Variants in DYRK1A observed in about 807,000 individuals in gnomAD.
DYRK1A encodes dual specificity tyrosine phosphorylation regulated kinase 1A.
DYRK1A carries 9 observed loss-of-function variants against 79.7 expected under a neutral mutation model. The ratio of observed to expected loss-of-function variants is 0.11; its 90% CI spans 0.07 to 0.20. DYRK1A has a LOEUF of 0.20. Ranked by LOEUF, DYRK1A falls within the 10% of genes least tolerant of loss-of-function variation. The probability of loss-of-function intolerance (pLI) is 1.00; values close to 1 mark genes in which losing one functional copy is unlikely to be tolerated. For synonymous variants in DYRK1A, 349 were observed against 329.7 expected (o/e 1.06, Z -0.63); for missense variants, 622 against 956.0 (o/e 0.65, Z 4.61).
At chr21:37,382,316 C>T (rs2049674323) in intron 1 of DYRK1A, among the ~76,000 whole-genome samples, 1 of 151,870 alleles carries the variant, frequency 6.6e-6, no homozygotes, top group Non-Finnish European at 1.5e-5. Flanking sequence ...TCAAGTGATC[C>T]TCCTGCCTCA....
Position 37,512,605 on chromosome 21 carries a change from A to G in DYRK1A, c.*74A>G. The G allele has an allele frequency of 2.0e-6, 3 of 1,534,026 alleles. No homozygotes were observed. Among genetic ancestry groups the G allele is most frequent in the African/African-American group, 1.4e-5 (1 of 72,790 alleles). ...GTTTTTTTTCCAAAAACAAAGTGCA[A>G]AGCTGCTTGAATCAGGAGGAGATTA... On this transcript the variant is annotated 3_prime_UTR_variant, in exon 12 of 12. Coordinates refer to ENST00000647188, the MANE Select transcript of DYRK1A (RefSeq NM_001347721.2).
At chr21:37,490,700 T>G (rs991470053) in intron 7 of DYRK1A, among the ~76,000 whole-genome samples, 1 of 151,840 alleles carries the variant, frequency 6.6e-6, no homozygotes, top group African/African-American at 2.4e-5. Context: ...AATGTAGCAC[T>G]TAATTACCTT....
chr21:37,419,510 C>T (rs915138807), intron 1 of DYRK1A: 1 of 152,160 alleles, frequency 6.6e-6, no homozygotes, highest in African/African-American at 2.4e-5. Context: ...ACTTGGCCAA[C>T]ATATGCAACA....
At chr21:37,431,822 T>A (rs2050784355) in intron 2 of DYRK1A, among the ~76,000 whole-genome samples, 1 of 152,222 alleles carries the variant, frequency 6.6e-6, no homozygotes, top group African/African-American at 2.4e-5. Context: ...ACACTTACTG[T>A]ACTATTTTGT....
At chr21:37,368,484 C>T (rs573447590) in intron 1 of DYRK1A, among the ~76,000 whole-genome samples, 2 of 152,326 alleles carry the variant, frequency 1.3e-5, no homozygotes, top group East Asian at 1.9e-4. Flanking sequence ...CTGTGCCTTT[C>T]GCCCAACCCT....
chr21:37,379,037 A>G (rs2049604363), intron 1 of DYRK1A, among the ~76,000 whole-genome samples: 1 of 152,162 alleles, frequency 6.6e-6, no homozygotes, highest in South Asian at 2.1e-4. Flanking sequence ...ACAGAGTCAT[A>G]TCCCTGGAGC....
chr21:37,472,575 T>C (rs1391466015), intron 2 of DYRK1A, 109 bp from the exon 3 acceptor site: 1 of 952,220 alleles, frequency 1.1e-6, no homozygotes, highest in Admixed American at 3.0e-5. Context: ...GAAAAGTTTT[T>C]TAATATTGAA....
At chr21:37,423,260 C>T (rs1010265) in intron 2 of DYRK1A, among the ~76,000 whole-genome samples, 150,594 of 152,224 alleles carry the variant, frequency 0.99, 74,491 homozygotes, top group Middle Eastern at 1. Context: ...TCTTCTCTTC[C>T]GAGCTCCACA....
intron 2 of DYRK1A, among the ~76,000 whole-genome samples, chr21:37,450,658 A>G (rs2051417079): frequency 6.6e-6 from 1 of 152,170 alleles, no homozygotes; most frequent in Non-Finnish European, 1.5e-5. Flanking sequence ...GGGGTTTAGG[A>G]GCTCGTGAGA....
chr21:37,476,424 T>C (rs1470306088), intron 3 of DYRK1A, among the ~76,000 whole-genome samples: 1 of 152,234 alleles, frequency 6.6e-6, no homozygotes, highest in Admixed American at 6.5e-5. Flanking sequence ...ATACTTCCTG[T>C]CAACTTTTAT....
At chr21:37,443,676 G>A (rs374569963) in intron 2 of DYRK1A, among the ~76,000 whole-genome samples, 2 of 152,206 alleles carry the variant, frequency 1.3e-5, no homozygotes, top group South Asian at 2.1e-4. Context: ...GGTGAGTATC[G>A]ATGTTTCCCA....
intron 6 of DYRK1A, 36 bp from the exon 7 acceptor site, chr21:37,490,139 A>G (rs759205696): frequency 3.2e-6 from 5 of 1,578,224 alleles, no homozygotes; most frequent in Non-Finnish European, 3.5e-6. Context: ...GTTTATTGGT[A>G]TATATAATTT....
At position 37,520,441 on chromosome 21, in the gene DYRK1A, A is replaced by T. The variant is rs1357034902; in HGVS notation, c.*7910A>T. On this transcript the variant is annotated 3_prime_UTR_variant, in exon 12 of 12. Transcript: ENST00000647188. ...TTTTTTCTTCTTCTTTATTCTGTTG[A>T]CTTTGTTGATAATATTAGGTGACTA... 2.0e-5 allele frequency: 3 copies of T among 152,152 alleles called. No homozygotes were observed. The highest frequency in any genetic ancestry group is 4.4e-5 in the Non-Finnish European group (3 of 68,028). 9.4% of individuals were successfully genotyped at this position (152,152 alleles called of 1,614,324 possible). A position where few individuals can be genotyped will look rare whatever the true frequency, so the allele number is the denominator to read the frequency against.
intron 2 of DYRK1A, among the ~76,000 whole-genome samples, chr21:37,446,430 G>C (rs1276977741): frequency 6.6e-6 from 1 of 152,038 alleles, no homozygotes; most frequent in Non-Finnish European, 1.5e-5. Flanking sequence ...GGCCTACTAA[G>C]GTCTGTGGGG....
At chr21:37,426,906 C>T (rs2050637423) in intron 2 of DYRK1A, among the ~76,000 whole-genome samples, 1 of 115,082 alleles carries the variant, frequency 8.7e-6, no homozygotes, top group Admixed American at 1.0e-4. Flanking sequence ...GGCTAAAGAG[C>T]GAGACTCGGT....
intron 1 of DYRK1A, among the ~76,000 whole-genome samples, chr21:37,393,179 ATGCT>A (rs2049902402): frequency 6.6e-6 from 1 of 152,194 alleles, no homozygotes; most frequent in African/African-American, 2.4e-5. Flanking sequence ...GGTATCCAGG[ATGCT>A]TGCCACATGA....
At chr21:37,366,258 C>G (rs1444141252), upstream of DYRK1A, 1 of 148,706 alleles carries the variant, frequency 6.7e-6, no homozygotes, top group Non-Finnish European at 1.5e-5. Context: ...GGCGCCCCTC[C>G]TCCTCCCCCT....
intron 2 of DYRK1A, among the ~76,000 whole-genome samples, chr21:37,443,183 T>C (rs2051162130): frequency 6.6e-6 from 1 of 152,088 alleles, no homozygotes; most frequent in Non-Finnish European, 1.5e-5. Context: ...AGGGTCTTGC[T>C]CTGGGGCCCA....
chr21:37,429,369 T>G (rs2050713577), intron 2 of DYRK1A, among the ~76,000 whole-genome samples: 1 of 152,176 alleles, frequency 6.6e-6, no homozygotes, highest in African/African-American at 2.4e-5. Flanking sequence ...AACCTAAGAC[T>G]GGGTCATTTA....
Sources: gnomAD v4.1 joint callset for allele counts (sites outside exome capture counted in the v4.1 genomes callset) on GRCh38, gnomAD v4.1.1 for gene constraint, MANE v1.5 for transcripts, NCBI Gene and HGNC (gene_info 2026-07-23, HGNC 2026-07-21) for gene names.